Variants in NOTCH2NLA observed in about 807,000 individuals in gnomAD.
NOTCH2NLA encodes notch 2 N-terminal like A.
At chr1:146,194,854 C>T (rs1373901953) in intron 1 of NOTCH2NLA, among the ~76,000 whole-genome samples, 1 of 110,574 alleles carries the variant, frequency 9.0e-6, no homozygotes, top group African/African-American at 3.9e-5. Flanking sequence ...CATTCTCTGC[C>T]CAGTTTATGC....
intron 3 of NOTCH2NLA, among the ~76,000 whole-genome samples, chr1:146,159,389 GAGAGAGAA>G (rs1661347166): frequency 4.8e-5 from 5 of 104,802 alleles, no homozygotes; most frequent in South Asian, 3.3e-4. Context: ...AAGAGAGAAA[GAGAGAGAA>G]AGAAAGAAAG....
At chr1:146,151,590 GAAAT>G (rs1660941740), downstream of NOTCH2NLA, among the ~76,000 whole-genome samples, 1 of 98,254 alleles carries the variant, frequency 1.0e-5, no homozygotes, top group Non-Finnish European at 1.9e-5. Context: ...AGAAGTCACA[GAAAT>G]AAATAGGAGG....
intron 2 of NOTCH2NLA, among the ~76,000 whole-genome samples, chr1:146,187,890 A>G (rs1320544615): frequency 2.9e-5 from 4 of 136,582 alleles, no homozygotes; most frequent in African/African-American, 9.9e-5. Flanking sequence ...GCCCATAATA[A>G]GCTACATAAA....
chr1:146,185,544 G>A (rs1241763887), intron 2 of NOTCH2NLA, among the ~76,000 whole-genome samples: 1 of 136,354 alleles, frequency 7.3e-6, no homozygotes, highest in Non-Finnish European at 1.7e-5. Flanking sequence ...AAAAACAGTT[G>A]AGCTGAGTAC....
chr1:146,185,090 A>G (rs587621018), intron 2 of NOTCH2NLA, among the ~76,000 whole-genome samples: 2 of 141,484 alleles, frequency 1.4e-5, no homozygotes, highest in African/African-American at 4.9e-5. Flanking sequence ...CAGGTGATAG[A>G]AACAGAAACA....
chr1:146,183,389 A>T (rs1207591538), intron 2 of NOTCH2NLA, among the ~76,000 whole-genome samples: 14 of 137,572 alleles, frequency 1.0e-4, no homozygotes, highest in African/African-American at 3.5e-4. Context: ...TTGAATTAAT[A>T]AAACCTGAAC....
intron 1 of NOTCH2NLA, among the ~76,000 whole-genome samples, chr1:146,224,345 TAC>T (rs1553819158): frequency 4.1e-5 from 3 of 72,982 alleles, no homozygotes; most frequent in African/African-American, 6.1e-5. Context: ...GGCCTAGTAA[TAC>T]AGTAATACAG....
At chr1:146,229,011 T>G (rs1664381655) in exon 1 of NOTCH2NLA, 2 of 1,352,214 alleles carry the variant, frequency 1.5e-6, no homozygotes, top group Non-Finnish European at 1.9e-6. Flanking sequence ...GGCTGAAACT[T>G]TCTCGGGTGT....
At chr1:146,162,390 T>C (rs1256010758) in intron 3 of NOTCH2NLA, among the ~76,000 whole-genome samples, 1 of 149,698 alleles carries the variant, frequency 6.7e-6, no homozygotes, top group East Asian at 2.0e-4. Context: ...GGTAGATTTG[T>C]GGTGGTTAAA....
In NOTCH2NLA at chr1:146,200,437, AAAT is replaced by A. The variant is rs1296984212; in HGVS notation, c.-44-11059_-44-11057del. Among the ~76,000 whole-genome samples the A allele has an allele frequency of 8.8e-5, 2 of 22,760 alleles. 1 individual carries two copies. The highest frequency in any genetic ancestry group is 1.7e-3 in the East Asian group (2 of 1,160). The allele number at this position is 22,760 out of a possible 152,430, so 14.9% of individuals were successfully genotyped here. A position where few individuals can be genotyped will look rare whatever the true frequency, so the allele number is the denominator to read the frequency against. On this transcript the variant is annotated intron_variant, in intron 1 of 4. Coordinates refer to ENST00000362074, the Ensembl canonical transcript of NOTCH2NLA. ...GACTCTGCCTGAGAAAAAAAAAAAA[AAAT>A]ATATATATATATATATATTCCTGAA...
intron 3 of NOTCH2NLA, among the ~76,000 whole-genome samples, chr1:146,158,449 AATG>A (rs1661277269): frequency 6.6e-6 from 1 of 151,650 alleles, no homozygotes; most frequent in Non-Finnish European, 1.5e-5. Context: ...GTTTGCTGAG[AATG>A]ATGGTTTCCA....
exon 1 of NOTCH2NLA, chr1:146,228,984 G>A (rs1395071256): frequency 4.3e-6 from 6 of 1,406,696 alleles, no homozygotes; most frequent in Non-Finnish European, 5.5e-6. Flanking sequence ...CGCCGCCTCA[G>A]CCGCCGCCCG....
intron 1 of NOTCH2NLA, chr1:146,210,743 TC>T (rs1305584857): frequency 8.9e-6 from 1 of 111,974 alleles, no homozygotes; most frequent in Non-Finnish European, 1.8e-5. Context: ...ATGTAAGAAA[TC>T]TATTAATTTC....
At chr1:146,149,888 AC>A (rs1452134480) in intron 4 of NOTCH2NLA, among the ~76,000 whole-genome samples, 3 of 144,060 alleles carry the variant, frequency 2.1e-5, no homozygotes, top group Admixed American at 7.0e-5. Context: ...ATAAATGTCT[AC>A]CAAAAAATTA....
At chr1:146,174,424 T>TTTTA (rs1186422671) in intron 2 of NOTCH2NLA, among the ~76,000 whole-genome samples, 1 of 138,268 alleles carries the variant, frequency 7.2e-6, no homozygotes, top group South Asian at 2.3e-4. Context: ...TTTTTTTTTT[T>TTTTA]AAAACGAGGA....
At chr1:146,159,423 G>A (rs2102272684) in intron 3 of NOTCH2NLA, among the ~76,000 whole-genome samples, 1 of 149,454 alleles carries the variant, frequency 6.7e-6, no homozygotes, top group African/African-American at 2.5e-5. Context: ...AAGAAAGAAA[G>A]AAAGAAAGAA....
intron 3 of NOTCH2NLA, among the ~76,000 whole-genome samples, chr1:146,161,138 TATGGGTTTGCCTATCCTGCATGCA>T (rs1553804367): frequency 2.5e-5 from 3 of 120,484 alleles, no homozygotes; most frequent in Non-Finnish European, 4.7e-5. Context: ...TTACTCTGGA[TATGGGTTTGCCTATCCTGCATGCA>T]ATGGTTCTGC....
chr1:146,159,393 G>GAGAAAAAGAA (rs1661348969), intron 3 of NOTCH2NLA, among the ~76,000 whole-genome samples: 1 of 111,040 alleles, frequency 9.0e-6, no homozygotes, highest in African/African-American at 3.5e-5. Flanking sequence ...GAGAAAGAGA[G>GAGAAAAAGAA]AGAAAGAAAG....
At chr1:146,180,893 T>C (rs1553809147) in intron 2 of NOTCH2NLA, among the ~76,000 whole-genome samples, 2 of 110,964 alleles carry the variant, frequency 1.8e-5, no homozygotes, top group Non-Finnish European at 2.2e-5. Context: ...TAAGGGCAGA[T>C]GTAGACAAAA....
Sources: gnomAD v4.1 joint callset for allele counts (sites outside exome capture counted in the v4.1 genomes callset) on GRCh38, gnomAD v4.1.1 for gene constraint, MANE v1.5 for transcripts, NCBI Gene and HGNC (gene_info 2026-07-23, HGNC 2026-07-21) for gene names.